The following TNS3 variants were observed in gnomAD, a reference collection of about 807,000 sequenced individuals.
TNS3 encodes the protein tensin-3.
A neutral mutation model predicts 140.9 loss-of-function variants in TNS3; 45 were observed. The observed-to-expected ratio is 0.32, with a 90% CI of 0.25 to 0.41. The LOEUF (loss-of-function observed/expected upper bound fraction) is 0.41, where lower values mean the gene tolerates loss of function less well. Ranked by LOEUF, TNS3 falls within the 10% of genes least tolerant of loss-of-function variation. The pLI, the probability that TNS3 is intolerant of heterozygous loss-of-function variation, is 1.00. For missense variants in TNS3, 1,716 were observed against 1,906.7 expected, an observed-to-expected ratio of 0.90 and a Z score of 1.86; for synonymous variants, 815 against 788.4, an observed-to-expected ratio of 1.03 and a Z score of -0.56.
chr7:47,344,067 G>A (rs369244228), intron 20 of TNS3, among the ~76,000 whole-genome samples: 6 of 152,142 alleles, frequency 3.9e-5, no homozygotes, highest in African/African-American at 1.2e-4. Flanking sequence ...CGTAATGAAC[G>A]AAACTCCCAG....
At chr7:47,581,192 C>G (rs1481423500) in intron 1 of TNS3, among the ~76,000 whole-genome samples, 2 of 152,066 alleles carry the variant, frequency 1.3e-5, no homozygotes, top group Non-Finnish European at 2.9e-5. Context: ...CATGTCAGGC[C>G]GCTGCACAGC....
At chr7:47,491,348 A>C (rs60674144) in intron 3 of TNS3, among the ~76,000 whole-genome samples, 10,624 of 152,298 alleles carry the variant, frequency 0.07, 1,178 homozygotes, top group African/African-American at 0.23. Flanking sequence ...AATTAGGGCA[A>C]GCCCTCTGCT....
intron 17 of TNS3, among the ~76,000 whole-genome samples, chr7:47,353,569 C>G (rs1789809554): frequency 1.3e-5 from 2 of 152,228 alleles, no homozygotes; most frequent in African/African-American, 2.4e-5. Context: ...TGAAGACACA[C>G]ATGACTTTTA....
intron 15 of TNS3, among the ~76,000 whole-genome samples, chr7:47,399,921 G>C (rs1208640507): frequency 6.6e-6 from 1 of 151,572 alleles, no homozygotes; most frequent in African/African-American, 2.4e-5. Flanking sequence ...TGCAAACTAT[G>C]CATCTGACAA....
intron 2 of TNS3, among the ~76,000 whole-genome samples, chr7:47,526,907 G>A (rs1311400332): frequency 6.6e-6 from 1 of 152,116 alleles, no homozygotes; most frequent in Non-Finnish European, 1.5e-5. Context: ...TTCACACTTG[G>A]GAGTCAAAGT....
intron 1 of TNS3, among the ~76,000 whole-genome samples, chr7:47,538,384 G>T (rs1383893966): frequency 6.6e-6 from 1 of 152,164 alleles, no homozygotes; most frequent in African/African-American, 2.4e-5. Context: ...CTAGTCTCAG[G>T]CCAGCTAACC....
At chr7:47,336,880 G>A (rs1385292073) in intron 20 of TNS3, among the ~76,000 whole-genome samples, 4 of 152,178 alleles carry the variant, frequency 2.6e-5, no homozygotes, top group African/African-American at 4.8e-5. Context: ...TCTATCTTGT[G>A]ACAGACTCTC....
chr7:47,501,926 G>GCCTC (rs1183563426), intron 3 of TNS3, among the ~76,000 whole-genome samples: 5 of 152,284 alleles, frequency 3.3e-5, no homozygotes, highest in Admixed American at 1.3e-4. Flanking sequence ...CCCAAGCCAA[G>GCCTC]CGGGAGAGAC....
intron 16 of TNS3, among the ~76,000 whole-genome samples, chr7:47,373,237 C>G (rs1791181918): frequency 1.3e-5 from 2 of 152,212 alleles, no homozygotes; most frequent in South Asian, 4.1e-4. Context: ...ACCATTTACT[C>G]TGTGTGTGTT....
At chr7:47,375,641 A>C (rs1791335804) in intron 16 of TNS3, among the ~76,000 whole-genome samples, 1 of 152,234 alleles carries the variant, frequency 6.6e-6, no homozygotes, top group Non-Finnish European at 1.5e-5. Context: ...AAAGTCACCC[A>C]AAAAATGGAG....
chr7:47,486,100 CTG>C (rs1465429700), intron 3 of TNS3, among the ~76,000 whole-genome samples: 2 of 151,072 alleles, frequency 1.3e-5, no homozygotes, highest in East Asian at 1.9e-4. Context: ...GTGGTGGTGT[CTG>C]TGTTTGACTA....
At chr7:47,418,034 A>G (rs1008504829) in intron 10 of TNS3, among the ~76,000 whole-genome samples, 1 of 152,184 alleles carries the variant, frequency 6.6e-6, no homozygotes, top group African/African-American at 2.4e-5. Context: ...CCCGCCTATA[A>G]TCCCAGCACT....
intron 4 of TNS3, among the ~76,000 whole-genome samples, chr7:47,471,367 C>A (rs1416507157): frequency 6.6e-6 from 1 of 152,206 alleles, no homozygotes; most frequent in Non-Finnish European, 1.5e-5. Context: ...CTCACCGTCT[C>A]GTCTCTGGGA....
chr7:47,491,957 A>T lies in TNS3; in HGVS notation c.-114-10816T>A, dbSNP rs1362327172. Among the ~76,000 whole-genome samples, 5 of 152,234 alleles carry T rather than the reference A, an allele frequency of 3.3e-5. No homozygotes were observed. The East Asian group carries it at 7.7e-4, about 23-fold the overall frequency. On this transcript the variant is annotated intron_variant, in intron 3 of 30. Transcript: ENST00000311160. The stretch of plus-strand genomic sequence containing the variant: ...CCAGATGCCATGCCTGACACCATGA[A>T]CATTCTAAAACACTCAACTGGTAGT...
intron 20 of TNS3, among the ~76,000 whole-genome samples, chr7:47,340,759 G>A (rs1242353326): frequency 2.0e-5 from 3 of 151,582 alleles, no homozygotes; most frequent in Admixed American, 2.0e-4. Flanking sequence ...CATGTCACCA[G>A]CAAAAAGGGA....
chr7:47,549,197 A>G lies in TNS3; in HGVS notation c.-264-20050T>C, dbSNP rs571842841. ...ATCTACACCCTTAAAAAATAAATAA[A>G]TGAAAGTTCTTTTGGCCAGGCGCGG... On this transcript the variant is annotated intron_variant, in intron 1 of 30. Transcript: ENST00000311160. Among the ~76,000 whole-genome samples, 3 of 152,200 alleles carry G rather than the reference A, an allele frequency of 2.0e-5. No individual in the cohort carries two copies. In the East Asian group the frequency reaches 5.8e-4, roughly 29 times the overall value.
intron 28 of TNS3, among the ~76,000 whole-genome samples, chr7:47,282,904 T>A (rs1005222335): frequency 5.3e-5 from 8 of 152,058 alleles, no homozygotes; most frequent in African/African-American, 1.4e-4. Context: ...TCTAGGGACA[T>A]GGGCACCACA....
At chr7:47,427,179 G>C (rs1016882606) in intron 9 of TNS3, among the ~76,000 whole-genome samples, 5 of 147,628 alleles carry the variant, frequency 3.4e-5, no homozygotes, top group African/African-American at 5.0e-5. Flanking sequence ...TCCAGAACCA[G>C]CCAGGCTATG....
intron 4 of TNS3, among the ~76,000 whole-genome samples, chr7:47,471,128 G>A (rs1796935126): frequency 6.6e-6 from 1 of 152,130 alleles, no homozygotes; most frequent in African/African-American, 2.4e-5. Context: ...AGGCCTGTAT[G>A]TTATTTTAGG....
Sources: allele counts gnomAD v4.1 joint callset (sites outside exome capture counted in the v4.1 genomes callset), GRCh38; gene constraint gnomAD v4.1.1; transcripts MANE v1.5; gene names NCBI Gene and HGNC (gene_info 2026-07-23, HGNC 2026-07-21).